Variants in SRGAP1 observed in about 807,000 individuals in gnomAD.
The protein encoded by SRGAP1 is SLIT-ROBO Rho GTPase-activating protein 1.
SRGAP1 carries 43 observed loss-of-function variants against 121.9 expected under a neutral mutation model. The ratio of observed to expected loss-of-function variants is 0.35; its 90% confidence interval spans 0.28 to 0.46. The LOEUF (loss-of-function observed/expected upper bound fraction) is 0.46. Among genes scored for constraint, SRGAP1 ranks in the 20% least tolerant of loss-of-function variants. The pLI, the probability that SRGAP1 is intolerant of heterozygous loss-of-function variation, is 1.00. For missense variants in SRGAP1, 1,102 were observed against 1,350.9 expected (o/e 0.82, Z 2.89); for synonymous variants, 447 against 485.4 (o/e 0.92, Z 1.04).
chr12:64,060,192 T>C (rs944794870), intron 6 of SRGAP1, among the ~76,000 whole-genome samples: 24 of 149,460 alleles, frequency 1.6e-4, no homozygotes, highest in Admixed American at 6.7e-4. Flanking sequence ...TTCCTTCCTT[T>C]CTTTCTTTTT....
intron 15 of SRGAP1, among the ~76,000 whole-genome samples, chr12:64,104,815 G>C (rs1592325877): frequency 1.3e-5 from 2 of 152,074 alleles, no homozygotes; most frequent in South Asian, 4.1e-4. Context: ...AGTTTTTTTA[G>C]TGTCACTTAT....
chr12:64,151,734 G>T lies in SRGAP1; in HGVS notation c.*9062G>T, dbSNP rs1565704789. On this transcript the variant is annotated 3_prime_UTR_variant, in exon 22 of 22. Coordinates refer to ENST00000355086, the MANE Select transcript of SRGAP1 (RefSeq NM_020762.4). Reference sequence around the variant, plus strand: ...GTTAATGTGCACACCCACATTTCCAGAGTACAAATCTCTATTTCACTCACC... The same window carrying T: ...GTTAATGTGCACACCCACATTTCCATAGTACAAATCTCTATTTCACTCACC... 6.6e-6 allele frequency: 1 copy of T among 152,120 alleles called. No individual in the cohort carries two copies. Among genetic ancestry groups the T allele is most frequent in the Non-Finnish European group, 1.5e-5 (1 of 68,018 alleles). The allele number at this position is 152,120 out of a possible 1,614,324, so 9.4% of individuals were successfully genotyped here.
At chr12:63,967,629 G>C (rs2032826722) in intron 1 of SRGAP1, among the ~76,000 whole-genome samples, 2 of 152,148 alleles carry the variant, frequency 1.3e-5, no homozygotes, top group South Asian at 4.1e-4. Flanking sequence ...AATGGGCTTG[G>C]GGGGATTTGA....
intron 1 of SRGAP1, among the ~76,000 whole-genome samples, chr12:63,956,068 T>C (rs1320606152): frequency 6.6e-6 from 1 of 152,172 alleles, no homozygotes; most frequent in African/African-American, 2.4e-5. Flanking sequence ...TAAGAGTGAT[T>C]TCTTTTTTTT....
intron 3 of SRGAP1, 50 bp downstream of exon 3, chr12:63,990,122 C>A (rs750815335): frequency 3.5e-6 from 5 of 1,449,048 alleles, no homozygotes; most frequent in Non-Finnish European, 4.7e-6. Context: ...ACTGCCTTGT[C>A]TATAACCAGG....
intron 4 of SRGAP1, among the ~76,000 whole-genome samples, chr12:64,031,989 A>G (rs943909639): frequency 6.6e-6 from 1 of 152,040 alleles, no homozygotes; most frequent in East Asian, 1.9e-4. Flanking sequence ...TAAAAATGCT[A>G]CTCTGTAAAT....
intron 6 of SRGAP1, among the ~76,000 whole-genome samples, chr12:64,052,303 C>T (rs183378024): frequency 2.7e-4 from 41 of 152,150 alleles, no homozygotes; most frequent in African/African-American, 9.6e-4. Flanking sequence ...CCTGTAATCC[C>T]AGCACTTCGG....
chr12:63,928,342 G>T (rs1283625656), intron 1 of SRGAP1, among the ~76,000 whole-genome samples: 2 of 152,152 alleles, frequency 1.3e-5, no homozygotes, highest in Non-Finnish European at 2.9e-5. Context: ...CAAGAGAAAT[G>T]AAAACATATA....
chr12:64,121,641 C>T (rs546412593), intron 18 of SRGAP1, among the ~76,000 whole-genome samples: 2 of 152,244 alleles, frequency 1.3e-5, no homozygotes, highest in South Asian at 4.1e-4. Flanking sequence ...TGGTTTATTT[C>T]TTTTTCACTG....
chr12:64,008,640 C>G (rs1434005409), intron 3 of SRGAP1, among the ~76,000 whole-genome samples: 1 of 152,136 alleles, frequency 6.6e-6, no homozygotes, highest in Non-Finnish European at 1.5e-5. Flanking sequence ...GATTACCTCT[C>G]TGTTTCTCTC....
chr12:63,936,644 AG>A (rs2031671397), intron 1 of SRGAP1, among the ~76,000 whole-genome samples: 1 of 152,196 alleles, frequency 6.6e-6, no homozygotes, highest in Admixed American at 6.5e-5. Flanking sequence ...ACCATTGTTC[AG>A]CCAGCGTGTG....
chr12:63,918,261 C>T (rs11609200), intron 1 of SRGAP1, among the ~76,000 whole-genome samples: 2,269 of 151,792 alleles, frequency 0.015, 26 homozygotes, highest in Middle Eastern at 0.034. Context: ...AACCCCTCCT[C>T]CCCCCATTAC....
chr12:63,962,660 G>T lies in SRGAP1; in HGVS notation c.68-21287G>T, dbSNP rs149149307. 8.2e-4 allele frequency among the ~76,000 whole-genome samples: 125 copies of T among 152,266 alleles called. 1 individual carries two copies. The highest frequency in any genetic ancestry group is 2.8e-3 in the African/African-American group (117 of 41,546). On this transcript the variant is annotated intron_variant, in intron 1 of 21. Coordinates refer to ENST00000355086, the MANE Select transcript of SRGAP1 (RefSeq NM_020762.4). ...TCACCTCAGGTGATCTGTCCGCTTT[G>T]ACCTCCCGAAGTGCTGGGATTACAG...
intron 17 of SRGAP1, among the ~76,000 whole-genome samples, chr12:64,114,946 A>G (rs1035267455): frequency 1.3e-5 from 2 of 152,224 alleles, no homozygotes; most frequent in Non-Finnish European, 2.9e-5. Flanking sequence ...TTACAGTAAT[A>G]GTAGGTTTAT....
In SRGAP1 at chr12:64,048,701, G is replaced by C. The variant is rs141796296; in HGVS notation, c.801+5126G>C. 3.4e-4 allele frequency among the ~76,000 whole-genome samples: 51 copies of C among 152,212 alleles called. 1 individual carries two copies. The East Asian group carries it at 9.6e-3, about 29-fold the overall frequency. On this transcript the variant is annotated intron_variant, in intron 6 of 21. Transcript: ENST00000355086. ...CTTTTGGATAAAAGCCATTTTAACT[G>C]GGGTGAGATGATATCTCATTGTAGT... is the stretch of plus-strand genomic sequence containing the variant.
rs138015416 is a variant in SRGAP1, at chr12:63,869,510, G to A, written c.67+24627G>A. ...TTCTTTCCTTCCTTTCAACAGGGCA[G>A]CACCCTTCTAAAACACCCCCAAATA... On this transcript the variant is annotated intron_variant, in intron 1 of 21. Coordinates refer to ENST00000355086, the MANE Select transcript of SRGAP1 (RefSeq NM_020762.4). 3.8e-3 allele frequency among the ~76,000 whole-genome samples: 580 copies of A among 152,256 alleles called. 9 individuals are homozygous for A. Among genetic ancestry groups the A allele is most frequent in the African/African-American group, 0.013 (554 of 41,550 alleles).
In SRGAP1 at chr12:64,045,390, G is replaced by A. The variant is rs149779674; in HGVS notation, c.801+1815G>A. On this transcript the variant is annotated intron_variant, in intron 6 of 21. Coordinates refer to ENST00000355086, the MANE Select transcript of SRGAP1 (RefSeq NM_020762.4). ...AATATTCTTTCTTGCTTTTTTGATT[G>A]GGGTTCATTTTCGTAGTGATTGGAG... Among the ~76,000 whole-genome samples, 298 of 151,874 alleles carry A rather than the reference G, an allele frequency of 2.0e-3. 1 individual carries two copies. The highest frequency in any genetic ancestry group is 6.7e-3 in the African/African-American group (277 of 41,430).
In SRGAP1 at chr12:64,144,346, T is replaced by A. The variant is rs915042943; in HGVS notation, c.*1674T>A. On this transcript the variant is annotated 3_prime_UTR_variant, in exon 22 of 22. Coordinates refer to ENST00000355086, the MANE Select transcript of SRGAP1 (RefSeq NM_020762.4). ...AAACTGGCAGCCAATTGCACGCCCA[T>A]CTAAGAGCTACACAGTGTAGATTTT... The A allele has an allele frequency of 1.3e-5, 2 of 152,002 alleles. No individual in the cohort carries two copies. The highest frequency in any genetic ancestry group is 4.8e-5 in the African/African-American group (2 of 41,376). The allele number at this position is 152,002 out of a possible 1,614,324, so 9.4% of individuals were successfully genotyped here. A position where few individuals can be genotyped will look rare whatever the true frequency, so the allele number is the denominator to read the frequency against.
At position 64,143,279 on chromosome 12, in the gene SRGAP1, T is replaced by C. The variant is rs1358451891; in HGVS notation, c.*607T>C. 6.5e-6 allele frequency: 1 copy of C among 152,808 alleles called. No homozygotes were observed. The highest frequency in any genetic ancestry group is 2.4e-5 in the African/African-American group (1 of 41,434). The allele number at this position is 152,808 out of a possible 1,614,324, so 9.5% of individuals were successfully genotyped here. A position where few individuals can be genotyped will look rare whatever the true frequency, so the allele number is the denominator to read the frequency against. On this transcript the variant is annotated 3_prime_UTR_variant, in exon 22 of 22. Coordinates refer to ENST00000355086, the MANE Select transcript of SRGAP1 (RefSeq NM_020762.4). ...AACAGTTATTTCCCCGGGTCCAGCT[T>C]AAAGACTCGATGGAAGGAGGTAGAA...
Sources: gnomAD v4.1 joint callset for allele counts (sites outside exome capture counted in the v4.1 genomes callset) on GRCh38, gnomAD v4.1.1 for gene constraint, MANE v1.5 for transcripts, NCBI Gene and HGNC (gene_info 2026-07-23, HGNC 2026-07-21) for gene names.